The following COL5A1 variants were observed in gnomAD, a reference collection of about 807,000 sequenced individuals.
COL5A1 encodes collagen alpha-1(V) chain.
COL5A1 carries 16 observed loss-of-function variants against 263.7 expected under a neutral mutation model. The observed-to-expected ratio is 0.06, with a 90% CI of 0.04 to 0.09. The LOEUF is 0.09. Ranked by LOEUF, COL5A1 falls within the 10% of genes least tolerant of loss-of-function variation. COL5A1 has a pLI of 1.00. For synonymous variants in COL5A1, 1,012 were observed against 1,004.5 expected (o/e 1.01, Z -0.14); for missense variants, 2,036 against 2,540.5 (o/e 0.80, Z 4.27).
In COL5A1 at chr9:134,825,836, T is replaced by C. The variant is rs765110359; in HGVS notation, c.4999T>C (p.Phe1667Leu). Residue 1667 changes from phenylalanine to leucine, a missense_variant, in exon 63 of 66, where the codon TTC becomes CTC. Physicochemically the swap from Phe to Leu is conservative, Grantham distance 22. This residue lies in a region of COL5A1 where 358 missense variants were observed against 384.6 expected (regional missense o/e 0.93). Transcript: ENST00000371817. ...DPNQGCSRDS[F>L]KVYCNFTAGG... ...TAACCAAGGATGCTCCAGGGATTCC[T>C]TCAAGGTTTACTGCAACTTCACAGC... The C allele has an allele frequency of 1.2e-6, 2 of 1,613,276 alleles. No individual in the cohort carries two copies. Among genetic ancestry groups the C allele is most frequent in the Non-Finnish European group, 8.5e-7 (1 of 1,179,444 alleles).
At chr9:134,735,896 G>A (rs1835078338) in intron 9 of COL5A1, among the ~76,000 whole-genome samples, 1 of 152,284 alleles carries the variant, frequency 6.6e-6, no homozygotes, top group Non-Finnish European at 1.5e-5. Context: ...GAGGGGTGGG[G>A]AGATCGGTGT....
At chr9:134,780,028 G>T in intron 27 of COL5A1, 74 bp from the exon 28 acceptor site, 1 of 1,558,702 alleles carries the variant, frequency 6.4e-7, no homozygotes, top group South Asian at 1.1e-5. Flanking sequence ...AGCCTGTCTT[G>T]ACACGCCTGC....
chr9:134,675,617 G>A (rs74403274), intron 1 of COL5A1, among the ~76,000 whole-genome samples: 1,923 of 152,286 alleles, frequency 0.013, 32 homozygotes, highest in African/African-American at 0.042. Context: ...GTGAATCTGC[G>A]TTTTGAGCAC....
chr9:134,697,853 G>C (rs942693610), intron 2 of COL5A1, among the ~76,000 whole-genome samples: 3 of 152,330 alleles, frequency 2.0e-5, no homozygotes, highest in Admixed American at 6.5e-5. Flanking sequence ...GGAGGCCAAG[G>C]CGGGTGGATC....
At chr9:134,650,675 C>T (rs1286641230) in intron 1 of COL5A1, among the ~76,000 whole-genome samples, 1 of 152,268 alleles carries the variant, frequency 6.6e-6, no homozygotes, top group Non-Finnish European at 1.5e-5. Context: ...GCCTGCTTCT[C>T]CAGGGCCAGC....
intron 5 of COL5A1, among the ~76,000 whole-genome samples, chr9:134,728,378 C>A (rs1251366545): frequency 6.6e-6 from 1 of 152,258 alleles, no homozygotes; most frequent in Non-Finnish European, 1.5e-5. Context: ...TTGTTCTGGC[C>A]TGGGTTCCAA....
At chr9:134,666,001 C>T (rs1008970372) in intron 1 of COL5A1, among the ~76,000 whole-genome samples, 4 of 152,100 alleles carry the variant, frequency 2.6e-5, no homozygotes, top group African/African-American at 9.7e-5. Flanking sequence ...ACAGGAGAAT[C>T]GCTTGAACCC....
At chr9:134,782,887 G>A (rs376728788) in intron 29 of COL5A1, among the ~76,000 whole-genome samples, 167 bp downstream of exon 29, 5 of 152,212 alleles carry the variant, frequency 3.3e-5, no homozygotes, top group Middle Eastern at 3.4e-3. Flanking sequence ...CCCAGGGCCC[G>A]ACTCTCTCCA....
chr9:134,795,197 C>T, intron 33 of COL5A1, 65 bp from the exon 34 acceptor site: 1 of 1,612,444 alleles, frequency 6.2e-7, no homozygotes, highest in South Asian at 1.1e-5. Flanking sequence ...GTGCCAGGGG[C>T]TGGGGGAAGG....
chr9:134,757,432 C>T lies in COL5A1; in HGVS notation c.1881+614C>T, dbSNP rs78214516. Among the ~76,000 whole-genome samples, 193 of 152,260 alleles carry T rather than the reference C, an allele frequency of 1.3e-3. 1 individual carries two copies. The highest frequency in any genetic ancestry group is 4.2e-3 in the African/African-American group (173 of 41,544). ...GGGGGCAGGGGAGATACTGACCTTC[C>T]GTGAAGAGTGCACCTGGGGACAGCA... On this transcript the variant is annotated intron_variant, in intron 17 of 65. Transcript: ENST00000371817. The surrounding 1 kb of genome is among the most constrained non-coding windows in gnomAD (Gnocchi z 6.2).
intron 1 of COL5A1, among the ~76,000 whole-genome samples, chr9:134,670,665 T>C (rs1015496425): frequency 3.9e-5 from 6 of 152,180 alleles, no homozygotes; most frequent in African/African-American, 7.2e-5. Context: ...TGAATTACTC[T>C]TAAGAGTGGA....
chr9:134,790,485 C>T (rs1223772508), intron 32 of COL5A1, among the ~76,000 whole-genome samples: 2 of 82,088 alleles, frequency 2.4e-5, no homozygotes, highest in East Asian at 4.6e-4. Context: ...CACCCATCCA[C>T]CCATCCACCC....
chr9:134,792,352 G>A (rs1369374379), intron 32 of COL5A1, among the ~76,000 whole-genome samples: 1 of 152,160 alleles, frequency 6.6e-6, no homozygotes, highest in African/African-American at 2.4e-5. Flanking sequence ...GGATGTCTGT[G>A]CTCATCCAGA....
intron 65 of COL5A1, among the ~76,000 whole-genome samples, chr9:134,838,467 G>A (rs568870703): frequency 1.7e-4 from 26 of 152,334 alleles, no homozygotes; most frequent in Non-Finnish European, 2.9e-4. Flanking sequence ...CCTCAAAGCC[G>A]AGAACCAAGT....
chr9:134,796,774 G>A, intron 35 of COL5A1, 74 bp from the exon 36 acceptor site: 3 of 1,383,070 alleles, frequency 2.2e-6, no homozygotes, highest in Non-Finnish European at 3.1e-6. Context: ...AGAGCCACCG[G>A]CACAGGCAGG....
At chr9:134,659,232 C>T (rs1222450338) in intron 1 of COL5A1, among the ~76,000 whole-genome samples, 3 of 152,074 alleles carry the variant, frequency 2.0e-5, no homozygotes, top group Non-Finnish European at 4.4e-5. Flanking sequence ...ACTAAAAATA[C>T]AAAAAACTTA....
intron 18 of COL5A1, among the ~76,000 whole-genome samples, chr9:134,760,464 CCCACATTCAT>C (rs1412160225): frequency 1.7e-4 from 21 of 125,570 alleles, no homozygotes; most frequent in African/African-American, 7.0e-4. Flanking sequence ...CCCACACACC[CCCACATTCAT>C]ACACACATGC....
chr9:134,670,567 C>CGTCT (rs1483845384), intron 1 of COL5A1, among the ~76,000 whole-genome samples: 1 of 152,122 alleles, frequency 6.6e-6, no homozygotes, highest in Non-Finnish European at 1.5e-5. Context: ...GCCTGTGGCA[C>CGTCT]GTCTTGGAGA....
chr9:134,683,362 G>A (rs1832917600), intron 1 of COL5A1, among the ~76,000 whole-genome samples: 1 of 152,128 alleles, frequency 6.6e-6, no homozygotes, highest in Non-Finnish European at 1.5e-5. Context: ...ATTCCTCCCT[G>A]GGGAGGAGGG....
Sources: allele counts gnomAD v4.1 joint callset (sites outside exome capture counted in the v4.1 genomes callset), GRCh38; gene constraint gnomAD v4.1.1; regional missense constraint gnomAD v4.1.1; non-coding constraint Gnocchi (gnomAD v3.1); transcripts MANE v1.5; gene names NCBI Gene and HGNC (gene_info 2026-07-23, HGNC 2026-07-21).